The following DST variants were observed in gnomAD, a reference collection of about 807,000 sequenced individuals.
DST encodes dystonin.
DST carries 253 observed loss-of-function variants against 875.2 expected under a neutral mutation model. The ratio of observed to expected loss-of-function variants is 0.29; its 90% confidence interval spans 0.26 to 0.32. The LOEUF (loss-of-function observed/expected upper bound fraction) is 0.32, where lower values mean the gene tolerates loss of function less well. DST is among the 10% of genes least tolerant of loss of function. The probability of loss-of-function intolerance (pLI) is 1.00; values close to 1 mark genes in which losing one functional copy is unlikely to be tolerated. For synonymous variants in DST, 3,124 were observed against 3,197.1 expected (o/e 0.98, Z 0.77); for missense variants, 8,287 against 9,111.6 (o/e 0.91, Z 3.68).
At chr6:56,512,316 C>T (rs1463813237) in intron 72 of DST, among the ~76,000 whole-genome samples, 1 of 152,164 alleles carries the variant, frequency 6.6e-6, no homozygotes, top group Admixed American at 6.5e-5. Context: ...GTGTTGGAAG[C>T]CTGAATAAAG....
Position 56,738,226 on chromosome 6 carries a change from C to T in DST, c.626-2937G>A, listed in dbSNP as rs537220046. Reference sequence around the variant, plus strand: ...CTTTTCAGTGCCCCCAACTTCTAATCTACTTCTTATTTAAAAATTAGATAA... The same window carrying T: ...CTTTTCAGTGCCCCCAACTTCTAATTTACTTCTTATTTAAAAATTAGATAA... On this transcript the variant is annotated intron_variant, in intron 4 of 103. Coordinates refer to ENST00000680361, the MANE Select transcript of DST (RefSeq NM_001374736.1). 5.0e-4 allele frequency among the ~76,000 whole-genome samples: 76 copies of T among 152,314 alleles called. 2 individuals are homozygous for T. The South Asian group carries it at 0.016, about 32-fold the overall frequency.
chr6:56,921,749 A>G (rs1252778594), intron 2 of DST, among the ~76,000 whole-genome samples: 1 of 151,518 alleles, frequency 6.6e-6, no homozygotes, highest in East Asian at 2.0e-4. Context: ...AATTTATTTC[A>G]CTGGTGGGGG....
At chr6:56,882,139 A>AT (rs1259756603) in intron 3 of DST, among the ~76,000 whole-genome samples, 2 of 152,230 alleles carry the variant, frequency 1.3e-5, no homozygotes, top group Non-Finnish European at 2.9e-5. Flanking sequence ...GTCAGAACTG[A>AT]TTATCATAGT....
intron 4 of DST, among the ~76,000 whole-genome samples, chr6:56,824,991 G>C (rs1562036592): frequency 6.6e-6 from 1 of 152,246 alleles, no homozygotes; most frequent in Non-Finnish European, 1.5e-5. Context: ...ACCTGGTCTG[G>C]GAGGTGTACC....
At chr6:56,937,289 T>A (rs1326205489) in intron 2 of DST, among the ~76,000 whole-genome samples, 1 of 152,118 alleles carries the variant, frequency 6.6e-6, no homozygotes, top group East Asian at 1.9e-4. Context: ...AAAGAATTTG[T>A]ATCCAGAATG....
rs1200283827 is a variant in DST at position 56,608,057 on chromosome 6, T to C, written c.6571A>G (p.Thr2191Ala). The C allele has an allele frequency of 1.2e-6, 2 of 1,613,374 alleles. No individual in the cohort carries two copies. The highest frequency in any genetic ancestry group is 1.7e-6 in the Non-Finnish European group (2 of 1,179,598). ...TTTTTAGTTTCTTCTGAGGTCTGAG[T>C]AGTGACAGGTTCTTCTCCATCAAAA... Reference protein sequence around the residue: ...DVFDGEEPVTTQTSEETKKLF... With the variant: ...DVFDGEEPVTAQTSEETKKLF... The change falls in exon 40 of 104, where the codon ACT becomes GCT. Residue 2191 changes from threonine (T) to alanine (A), a missense_variant. Thr to Ala is a moderately conservative substitution (Grantham distance 58). Transcript: ENST00000680361.
chr6:56,861,432 T>C (rs1771105201), intron 3 of DST, among the ~76,000 whole-genome samples: 1 of 152,182 alleles, frequency 6.6e-6, no homozygotes, highest in South Asian at 2.1e-4. Flanking sequence ...TATTGCATGG[T>C]AGCAAACCAA....
chr6:56,614,551 T>C, intron 36 of DST, 67 bp from the exon 37 acceptor site: 2 of 1,398,482 alleles, frequency 1.4e-6, no homozygotes, highest in Non-Finnish European at 1.9e-6. Flanking sequence ...AACTGACCTC[T>C]CCATAGCAAA....
At chr6:56,925,918 C>T (rs544812921) in intron 2 of DST, among the ~76,000 whole-genome samples, 2 of 152,178 alleles carry the variant, frequency 1.3e-5, no homozygotes, top group Admixed American at 6.5e-5. Context: ...CAAAATTTCC[C>T]GATCCAAAAG....
At chr6:56,540,762 C>G (rs1471548196) in intron 61 of DST, 1 of 152,612 alleles carries the variant, frequency 6.6e-6, no homozygotes, top group Non-Finnish European at 1.5e-5. Context: ...TCCCTTTGAC[C>G]ATTTACATGT....
At chr6:56,696,956 C>T (rs555327281) in intron 9 of DST, among the ~76,000 whole-genome samples, 6 of 152,168 alleles carry the variant, frequency 3.9e-5, no homozygotes, top group East Asian at 1.9e-4. Flanking sequence ...CCCTTCTTTC[C>T]GATAAAATCA....
At chr6:56,828,387 A>G (rs1217904118) in intron 4 of DST, among the ~76,000 whole-genome samples, 4 of 152,246 alleles carry the variant, frequency 2.6e-5, no homozygotes, top group Non-Finnish European at 5.9e-5. Flanking sequence ...ACTATCACCA[A>G]CATAATGCAA....
intron 100 of DST, 77 bp downstream of exon 100, chr6:56,464,608 C>T (rs1304344450): frequency 4.6e-6 from 5 of 1,091,440 alleles, no homozygotes; most frequent in African/African-American, 1.6e-5. Flanking sequence ...TATTTTAAAA[C>T]AAATGACTGA....
chr6:56,818,402 A>G (rs1312659248), intron 4 of DST, among the ~76,000 whole-genome samples: 1 of 152,144 alleles, frequency 6.6e-6, no homozygotes, highest in Non-Finnish European at 1.5e-5. Context: ...TGGGTAATGC[A>G]TACTGTTTGT....
chr6:56,925,890 G>A (rs57842130), intron 2 of DST, among the ~76,000 whole-genome samples: 2,923 of 152,120 alleles, frequency 0.019, 92 homozygotes, highest in African/African-American at 0.066. Flanking sequence ...ATAATTTCCT[G>A]ATGCAGGAAA....
chr6:56,900,216 C>T (rs1238733772), intron 3 of DST, among the ~76,000 whole-genome samples: 1 of 145,892 alleles, frequency 6.9e-6, no homozygotes, highest in Non-Finnish European at 1.5e-5. Flanking sequence ...CTAACTCTTG[C>T]TTTTTTGTCA....
At chr6:56,874,009 G>A (rs1313176713) in intron 3 of DST, among the ~76,000 whole-genome samples, 2 of 152,174 alleles carry the variant, frequency 1.3e-5, no homozygotes, top group Non-Finnish European at 2.9e-5. Flanking sequence ...TTGGGAGACT[G>A]AGGTGGGAGG....
chr6:56,459,247 G>T lies in DST; in HGVS notation c.23215C>A (p.Arg7739=). Residue 7739 remains arginine, a synonymous_variant, in exon 104 of 104, where the codon CGA becomes AGA. Coordinates refer to ENST00000680361, the MANE Select transcript of DST (RefSeq NM_001374736.1). ...QFADSKKTPS[R]PGSRAGSKAG... Reference sequence around the variant, plus strand: ...TTGCTTCCAGCTCGACTTCCTGGTCGGCTGGGAGTCTTCTTGGAATCTGAG... The same window carrying T: ...TTGCTTCCAGCTCGACTTCCTGGTCTGCTGGGAGTCTTCTTGGAATCTGAG... The T allele has an allele frequency of 6.2e-7, 1 of 1,612,518 alleles. No individual in the cohort carries two copies. Among genetic ancestry groups the T allele is most frequent in the Non-Finnish European group, 8.5e-7 (1 of 1,179,206 alleles).
At chr6:56,650,578 A>G (rs768450912) in intron 12 of DST, among the ~76,000 whole-genome samples, 39 of 152,342 alleles carry the variant, frequency 2.6e-4, no homozygotes, top group Non-Finnish European at 5.6e-4. Context: ...AAACTGAGAT[A>G]TTCTATACAT....
Sources: allele counts gnomAD v4.1 joint callset (sites outside exome capture counted in the v4.1 genomes callset), GRCh38; gene constraint gnomAD v4.1.1; transcripts MANE v1.5; gene names NCBI Gene and HGNC (gene_info 2026-07-23, HGNC 2026-07-21).